The following SMARCC1 variants were observed in gnomAD, a reference collection of about 807,000 sequenced individuals.
The protein encoded by SMARCC1 is SWI/SNF related BAF chromatin remodeling complex subunit C1.
Under a neutral mutation model 147.4 loss-of-function variants are expected in SMARCC1, and 43 were observed. That is an observed-to-expected ratio of 0.29 (90% confidence interval 0.23 to 0.38). The LOEUF (loss-of-function observed/expected upper bound fraction) is 0.38. Among genes scored for constraint, SMARCC1 ranks in the 10% least tolerant of loss-of-function variants. The pLI is 1.00. For missense variants in SMARCC1, 1,119 were observed against 1,381.1 expected, an observed-to-expected ratio of 0.81 and a Z score of 3.01; for synonymous variants, 495 against 484.4, an observed-to-expected ratio of 1.02 and a Z score of -0.29.
At chr3:47,601,236 G>T (rs2049300) in intron 26 of SMARCC1, among the ~76,000 whole-genome samples, 85,493 of 151,354 alleles carry the variant, frequency 0.56, 25,240 homozygotes, top group Non-Finnish European at 0.66. Context: ...CAGGTTTATT[G>T]TATCTTTTAC....
rs771942391 is a variant in SMARCC1 at position 47,661,271 on chromosome 3, C to T, written c.2320+23G>A. On this transcript the variant is annotated intron_variant, in intron 21 of 27. Coordinates refer to ENST00000254480, the MANE Select transcript of SMARCC1 (RefSeq NM_003074.4). ...AATACAAACATATATTAACCCTGTCCCTTAAAAGCAGCAGTGACTCACCAA... is the reference window on the plus strand; with the variant it reads ...AATACAAACATATATTAACCCTGTCTCTTAAAAGCAGCAGTGACTCACCAA... 5.0e-6 allele frequency: 8 copies of T among 1,587,320 alleles called. No homozygotes were observed. The South Asian group carries it at 8.1e-5, about 16-fold the overall frequency.
intron 2 of SMARCC1, among the ~76,000 whole-genome samples, chr3:47,750,412 C>T (rs547320757): frequency 6.6e-6 from 1 of 151,984 alleles, no homozygotes; most frequent in African/African-American, 2.4e-5. Context: ...TCCAGCTTGG[C>T]GACAGAACGA....
Position 47,600,998 on chromosome 3 carries a change from TGAGAGAGAGA to T in SMARCC1, c.3043+9058_3043+9067del, listed in dbSNP as rs66582985. ...CCAGCAGACAGGGAGAGGAAGAAAATGAGAGAGAGAGAGAGAGAGAGAGAGAGAGAGAGAG... is the reference window on the plus strand; with the variant it reads ...CCAGCAGACAGGGAGAGGAAGAAAATGAGAGAGAGAGAGAGAGAGAGAGAG... On this transcript the variant is annotated intron_variant, in intron 26 of 27. Coordinates refer to ENST00000254480, the MANE Select transcript of SMARCC1 (RefSeq NM_003074.4). 2.3e-3 allele frequency among the ~76,000 whole-genome samples: 198 copies of T among 85,198 alleles called. 1 individual carries two copies. Among genetic ancestry groups the T allele is most frequent in the East Asian group, 7.3e-3 (21 of 2,878 alleles). The allele number at this position is 85,198 out of a possible 152,430, so 55.9% of individuals were successfully genotyped here.
At chr3:47,781,296 G>A (rs1032964064) in intron 1 of SMARCC1, among the ~76,000 whole-genome samples, 4 of 152,200 alleles carry the variant, frequency 2.6e-5, no homozygotes, top group East Asian at 1.9e-4. Context: ...ACACACCTAA[G>A]GCAGCTGACA....
At chr3:47,605,545 G>A (rs2032458577) in intron 26 of SMARCC1, among the ~76,000 whole-genome samples, 2 of 152,190 alleles carry the variant, frequency 1.3e-5, no homozygotes, top group Admixed American at 6.5e-5. Flanking sequence ...GCGGAGGCGG[G>A]AGGACTACTT....
At chr3:47,639,140 G>A (rs1024881432) in intron 21 of SMARCC1, among the ~76,000 whole-genome samples, 1 of 152,136 alleles carries the variant, frequency 6.6e-6, no homozygotes, top group African/African-American at 2.4e-5. Context: ...TAGGATTTTC[G>A]ATTTTCTGTA....
intron 20 of SMARCC1, among the ~76,000 whole-genome samples, 178 bp from the exon 21 acceptor site, chr3:47,661,633 A>G (rs1224985957): frequency 6.6e-6 from 1 of 152,182 alleles, no homozygotes; most frequent in Non-Finnish European, 1.5e-5. Flanking sequence ...AAAAATAGTA[A>G]TAATAATGAA....
At chr3:47,602,669 T>C (rs2032407138) in intron 26 of SMARCC1, among the ~76,000 whole-genome samples, 1 of 152,250 alleles carries the variant, frequency 6.6e-6, no homozygotes, top group Non-Finnish European at 1.5e-5. Context: ...AATTCTATTC[T>C]GATTTTCAAG....
chr3:47,733,379 T>G (rs1449624819), intron 5 of SMARCC1, among the ~76,000 whole-genome samples: 2 of 150,052 alleles, frequency 1.3e-5, no homozygotes. Flanking sequence ...GCCAGGAGCT[T>G]GAGGCGAGCC....
intron 1 of SMARCC1, 109 bp downstream of exon 1, chr3:47,781,494 G>A (rs567079213): frequency 2.8e-6 from 2 of 715,546 alleles, no homozygotes; most frequent in Non-Finnish European, 4.0e-6. Context: ...TGCCTTTGTT[G>A]TCCCTCGTGG....
intron 21 of SMARCC1, among the ~76,000 whole-genome samples, chr3:47,659,117 CA>C (rs35464509): frequency 3.2e-4 from 31 of 96,746 alleles, no homozygotes; most frequent in Middle Eastern, 0.01. Flanking sequence ...GACTCTGTCT[CA>C]AAAAAAAAAA....
At position 47,781,594 on chromosome 3, in the gene SMARCC1, C is replaced by T. The variant is rs371266460; in HGVS notation, c.195+9G>A. 8 of 1,515,730 alleles carry T rather than the reference C, an allele frequency of 5.3e-6. No homozygotes were observed. The highest frequency in any genetic ancestry group is 7.0e-6 in the Non-Finnish European group (8 of 1,136,296). The allele number at this position is 1,515,730 out of a possible 1,614,324, so 93.9% of individuals were successfully genotyped here. On this transcript the variant is annotated intron_variant, in intron 1 of 27. Transcript: ENST00000254480. ...TGGTCTCCCGGCCCCCACGGGCGCG[C>T]GAACCCACCTTCTTGTAGTGCTTGC...
chr3:47,604,253 C>T (rs1159459299), intron 26 of SMARCC1: 1 of 456,782 alleles, frequency 2.2e-6, no homozygotes, highest in Non-Finnish European at 4.4e-6. Context: ...TGTAACTTAT[C>T]TGCATACTTA....
Position 47,587,962 on chromosome 3 carries a change from C to G in SMARCC1, c.*247G>C. On this transcript the variant is annotated 3_prime_UTR_variant, in exon 28 of 28. Transcript: ENST00000254480. Reference sequence around the variant, plus strand: ...CTCCCACACCAGGACAGGGGAGATGCAGGTTATTTTAAGGATGACCAGGGC... The same window carrying G: ...CTCCCACACCAGGACAGGGGAGATGGAGGTTATTTTAAGGATGACCAGGGC... 2.0e-6 allele frequency: 1 copy of G among 503,296 alleles called. No homozygotes were observed. The highest frequency in any genetic ancestry group is 3.5e-6 in the Non-Finnish European group (1 of 284,340). The allele number at this position is 503,296 out of a possible 1,614,324, so 31.2% of individuals were successfully genotyped here. A position where few individuals can be genotyped will look rare whatever the true frequency, so the allele number is the denominator to read the frequency against.
intron 3 of SMARCC1, among the ~76,000 whole-genome samples, chr3:47,744,775 G>C (rs989900757): frequency 4.6e-5 from 7 of 151,776 alleles, no homozygotes; most frequent in Non-Finnish European, 1.0e-4. Context: ...CAGAGTTCAA[G>C]AGAAAAAAAA....
At chr3:47,747,751 G>C (rs1003337232) in intron 2 of SMARCC1, among the ~76,000 whole-genome samples, 4 of 152,032 alleles carry the variant, frequency 2.6e-5, no homozygotes, top group Non-Finnish European at 5.9e-5. Flanking sequence ...TTGAAGCCAG[G>C]AGTTTGAGGC....
chr3:47,772,871 G>T lies in SMARCC1; in HGVS notation c.261C>A (p.Phe87Leu), dbSNP rs749184048. The change falls in exon 2 of 28, where the codon TTC becomes TTA. Residue 87 changes from phenylalanine (F) to leucine (L), a missense_variant. Physicochemically the swap from Phe to Leu is conservative, Grantham distance 22. Transcript: ENST00000254480. ...LAGLVVQLLQ[F>L]QEDAFGKHVT... is the part of the protein sequence containing the mutation. ...CATGCTTCCCAAAGGCATCTTCCTGGAACTGAAGAAGCTGCACCACCAGCC... is the reference window on the plus strand; with the variant it reads ...CATGCTTCCCAAAGGCATCTTCCTGTAACTGAAGAAGCTGCACCACCAGCC... 1 of 1,613,286 alleles carries T rather than the reference G, an allele frequency of 6.2e-7. No homozygotes were observed. The highest frequency in any genetic ancestry group is 1.3e-5 in the African/African-American group (1 of 74,982).
chr3:47,598,825 CAAAAAAAAAAAA>C (rs59776566), intron 26 of SMARCC1, among the ~76,000 whole-genome samples: 5 of 69,020 alleles, frequency 7.2e-5, no homozygotes, highest in Non-Finnish European at 1.1e-4. Flanking sequence ...GACTCTGTCT[CAAAAAAAAAAAA>C]AAAAAAAAAA....
At chr3:47,606,877 CTTT>C (rs34081063) in intron 26 of SMARCC1, among the ~76,000 whole-genome samples, 6 of 135,860 alleles carry the variant, frequency 4.4e-5, no homozygotes, top group Non-Finnish European at 6.4e-5. Context: ...CACCTGGCTA[CTTT>C]TTTTTTTTTT....
Sources: allele counts gnomAD v4.1 joint callset (sites outside exome capture counted in the v4.1 genomes callset), GRCh38; gene constraint gnomAD v4.1.1; transcripts MANE v1.5; gene names NCBI Gene and HGNC (gene_info 2026-07-23, HGNC 2026-07-21).